Variants in RBFOX1 observed in about 807,000 individuals in gnomAD.
The protein encoded by RBFOX1 is RNA binding protein fox-1 homolog 1.
A neutral mutation model predicts 57.7 loss-of-function variants in RBFOX1; 8 were observed. The observed-to-expected ratio is 0.14, with a 90% CI of 0.08 to 0.25. The LOEUF (loss-of-function observed/expected upper bound fraction) is 0.25. Ranked by LOEUF, RBFOX1 falls within the 10% of genes least tolerant of loss-of-function variation. The probability of loss-of-function intolerance (pLI) is 1.00; values close to 1 mark genes in which losing one functional copy is unlikely to be tolerated. For synonymous variants in RBFOX1, 326 were observed against 222.4 expected, an observed-to-expected ratio of 1.47 and a Z score of -4.15; for missense variants, 611 against 548.5, an observed-to-expected ratio of 1.11 and a Z score of -1.14.
chr16:5,604,551 G>A (rs919707834), downstream of RBFOX1, among the ~76,000 whole-genome samples: 12 of 152,182 alleles, frequency 7.9e-5, no homozygotes, highest in African/African-American at 2.7e-4. Flanking sequence ...GTGCATGTTA[G>A]CAACATGGAG....
chr16:6,914,668 G>C (rs970865543), intron 3 of RBFOX1, among the ~76,000 whole-genome samples: 4 of 152,152 alleles, frequency 2.6e-5, no homozygotes, highest in African/African-American at 9.7e-5. Context: ...GAGGCCACGA[G>C]TTCAAGATCA....
At chr16:6,675,564 C>T (rs990230680) in intron 3 of RBFOX1, among the ~76,000 whole-genome samples, 2 of 152,160 alleles carry the variant, frequency 1.3e-5, no homozygotes. Flanking sequence ...TCTGTTTTCA[C>T]ACTGCTGATA....
intron 1 of RBFOX1, among the ~76,000 whole-genome samples, chr16:5,455,011 CTTT>C (rs1567536279): frequency 4.2e-4 from 47 of 111,452 alleles, no homozygotes; most frequent in African/African-American, 1.5e-3. Flanking sequence ...TTCTTTCTTT[CTTT>C]CTTTCTTTCT....
chr16:7,079,288 G>A (rs531838848), intron 4 of RBFOX1, among the ~76,000 whole-genome samples: 6 of 152,178 alleles, frequency 3.9e-5, no homozygotes, highest in African/African-American at 7.2e-5. Flanking sequence ...CTTGCAAACT[G>A]AGGGTTGGGC....
At chr16:6,843,427 A>ATG (rs756565354) in intron 3 of RBFOX1, among the ~76,000 whole-genome samples, 2,027 of 152,234 alleles carry the variant, frequency 0.013, 25 homozygotes, top group Non-Finnish European at 0.021. Context: ...GGTGGCTTAC[A>ATG]CCTGTAATCC....
At chr16:7,003,372 A>C (rs956482830) in intron 3 of RBFOX1, among the ~76,000 whole-genome samples, 2 of 151,944 alleles carry the variant, frequency 1.3e-5, no homozygotes, top group Non-Finnish European at 2.9e-5. Flanking sequence ...AGGCAAGAGA[A>C]TCACTTAGAC....
chr16:6,014,642 A>C (rs1046700829), upstream of RBFOX1, among the ~76,000 whole-genome samples: 2 of 152,152 alleles, frequency 1.3e-5, no homozygotes, highest in Non-Finnish European at 2.9e-5. Flanking sequence ...TAATTAGTTC[A>C]TTAGTTGACT....
At chr16:6,510,410 T>A (rs185776122) in intron 2 of RBFOX1, among the ~76,000 whole-genome samples, 133 of 152,292 alleles carry the variant, frequency 8.7e-4, no homozygotes, top group African/African-American at 3.1e-3. Context: ...TTGTTGTTGA[T>A]GACACGCTGA....
rs502640 is a variant in RBFOX1, at chr16:5,404,196, T to G, written c.220-63020T>G. On this transcript the variant is annotated intron_variant, in intron 1 of 2. Coordinates refer to the RBFOX1 transcript ENST00000585867. ...GTGAGGAATTAGTTAATTCATACAA[T>G]GTACCTTATTTAGGTGATGAGTGCC... Among the ~76,000 whole-genome samples, 1,290 of 152,228 alleles carry G rather than the reference T, an allele frequency of 8.5e-3. 16 individuals are homozygous for G. Among genetic ancestry groups the G allele is most frequent in the African/African-American group, 0.029 (1,189 of 41,518 alleles).
At chr16:7,167,456 A>G (rs974012293) in intron 4 of RBFOX1, among the ~76,000 whole-genome samples, 2 of 152,092 alleles carry the variant, frequency 1.3e-5, no homozygotes, top group African/African-American at 2.4e-5. Context: ...AACTAGAGCT[A>G]AGAGTGATGC....
chr16:7,335,923 C>T (rs2096778460), intron 4 of RBFOX1, among the ~76,000 whole-genome samples: 1 of 152,174 alleles, frequency 6.6e-6, no homozygotes, highest in Non-Finnish European at 1.5e-5. Context: ...TCAGCTGAAC[C>T]TGTCTGGACT....
intron 3 of RBFOX1, among the ~76,000 whole-genome samples, chr16:6,885,752 G>T (rs1216186752): frequency 6.6e-6 from 1 of 152,026 alleles, no homozygotes; most frequent in East Asian, 1.9e-4. Context: ...GGCTGGTCTC[G>T]AACTCATGCC....
chr16:6,621,782 A>ATC (rs1567921666), intron 2 of RBFOX1, among the ~76,000 whole-genome samples: 1 of 152,236 alleles, frequency 6.6e-6, no homozygotes, highest in Non-Finnish European at 1.5e-5. Context: ...CTAGAAGGAC[A>ATC]TGTGGCAACC....
At chr16:6,673,722 G>A (rs1048358823) in intron 3 of RBFOX1, among the ~76,000 whole-genome samples, 4 of 152,206 alleles carry the variant, frequency 2.6e-5, no homozygotes, top group Admixed American at 2.0e-4. Context: ...GAGAGAAGAG[G>A]CTATGGACAA....
chr16:5,683,628 A>C (rs532762489), intron 3 of RBFOX1, among the ~76,000 whole-genome samples: 8 of 151,748 alleles, frequency 5.3e-5, no homozygotes, highest in Admixed American at 5.2e-4. Context: ...TCAGACTCCA[A>C]GTTCTTTAGT....
chr16:5,389,886 T>C (rs62019566), intron 1 of RBFOX1, among the ~76,000 whole-genome samples: 5,545 of 151,934 alleles, frequency 0.036, 149 homozygotes, highest in Middle Eastern at 0.099. Context: ...TTGGTAGAGA[T>C]GGAGCTTCAC....
chr16:6,742,818 A>T (rs775552457), intron 3 of RBFOX1, among the ~76,000 whole-genome samples: 1 of 152,176 alleles, frequency 6.6e-6, no homozygotes, highest in African/African-American at 2.4e-5. Context: ...AGTTGCCAGT[A>T]TGGTGGGAGA....
rs143314107 is a variant in RBFOX1, at chr16:7,064,593, C to T, written c.27+12495C>T. On this transcript the variant is annotated intron_variant, in intron 4 of 15. Coordinates refer to ENST00000550418, the MANE Select transcript of RBFOX1 (RefSeq NM_018723.4). ...GATGATCTGAGAAGAAACCAACCCC[C>T]CTGACACCTGAGTCGCAGACTTCTG... Among the ~76,000 whole-genome samples the T allele has an allele frequency of 5.3e-3, 814 of 152,234 alleles. 3 individuals carry two copies. Among genetic ancestry groups the T allele is most frequent in the African/African-American group, 0.019 (781 of 41,558 alleles).
intron 2 of RBFOX1, among the ~76,000 whole-genome samples, chr16:6,640,637 A>G (rs2098479851): frequency 6.6e-6 from 1 of 151,314 alleles, no homozygotes; most frequent in Non-Finnish European, 1.5e-5. Flanking sequence ...ATAAATAAAT[A>G]CTACTTTATA....
Sources: allele counts gnomAD v4.1 joint callset (sites outside exome capture counted in the v4.1 genomes callset), GRCh38; gene constraint gnomAD v4.1.1; transcripts MANE v1.5; gene names NCBI Gene and HGNC (gene_info 2026-07-23, HGNC 2026-07-21).